The following MRE11 variants were observed in gnomAD, a reference collection of about 807,000 sequenced individuals.
The protein encoded by MRE11 is MRE11 double strand break repair nuclease.
MRE11 carries 62 observed loss-of-function variants against 91.7 expected under a neutral mutation model. That is an observed-to-expected ratio of 0.68 (90% confidence interval 0.55 to 0.84). The LOEUF (loss-of-function observed/expected upper bound fraction) is 0.84. Among genes scored for constraint, MRE11 ranks in the 40% least tolerant of loss-of-function variants. The pLI is 0.00. For missense variants in MRE11, 796 were observed against 852.9 expected, an observed-to-expected ratio of 0.93 and a Z score of 0.83; for synonymous variants, 273 against 271.4, an observed-to-expected ratio of 1.01 and a Z score of -0.06.
chr11:94,426,556 T>C (rs931928216), intron 19 of MRE11, among the ~76,000 whole-genome samples: 5 of 151,712 alleles, frequency 3.3e-5, no homozygotes, highest in African/African-American at 1.2e-4. Context: ...AAGAAATAAA[T>C]TAGAGAAGAA....
chr11:94,496,117 T>C (rs189531773), upstream of MRE11, among the ~76,000 whole-genome samples: 6 of 151,532 alleles, frequency 4.0e-5, no homozygotes, highest in African/African-American at 1.5e-4. Flanking sequence ...GATAAAGATA[T>C]ATGTACCGAT....
chr11:94,512,347 C>A, the MRE11 span: 3 of 463,704 alleles, frequency 6.5e-6, no homozygotes, highest in African/African-American at 2.0e-5. Flanking sequence ...ATAATAATAA[C>A]CCCAGCCCCA....
intron 14 of MRE11, among the ~76,000 whole-genome samples, chr11:94,451,360 A>C (rs1449559147): frequency 6.6e-6 from 1 of 152,140 alleles, no homozygotes; most frequent in African/African-American, 2.4e-5. Context: ...AAATACTCCC[A>C]AAAAAGGACC....
intron 7 of MRE11, chr11:94,475,458 AG>A (rs2135066176): frequency 5.4e-6 from 2 of 373,038 alleles, no homozygotes; most frequent in South Asian, 4.1e-5. Flanking sequence ...TTATATAATC[AG>A]GCCCCAAATC....
At chr11:94,435,240 G>A (rs1208087395) in intron 18 of MRE11, among the ~76,000 whole-genome samples, 2 of 152,160 alleles carry the variant, frequency 1.3e-5, no homozygotes, top group Non-Finnish European at 2.9e-5. Flanking sequence ...GTTATTTGGA[G>A]AGAACACAGT....
Position 94,445,910 on chromosome 11 carries a change from C to T in MRE11, c.1784-17G>A, listed in dbSNP as rs750352771. On this transcript the variant is annotated splice_polypyrimidine_tract_variant and intron_variant, in intron 15 of 19. Transcript: ENST00000323929. Reference sequence around the variant, plus strand: ...CAGTGTCTGCTGTTAGAAAAATGAACAGTCAATGTACAAGCCTATCAGCAG... The same window carrying T: ...CAGTGTCTGCTGTTAGAAAAATGAATAGTCAATGTACAAGCCTATCAGCAG... 5 of 1,584,636 alleles carry T rather than the reference C, an allele frequency of 3.2e-6. 1 individual carries two copies. In the Middle Eastern group the frequency reaches 5.0e-4, roughly 158 times the overall value.
At chr11:94,492,250 G>C (rs1039134656) in intron 2 of MRE11, among the ~76,000 whole-genome samples, 18 of 152,188 alleles carry the variant, frequency 1.2e-4, no homozygotes, top group Non-Finnish European at 1.6e-4. Flanking sequence ...CACCACGCCT[G>C]GCTAATTTTG....
At chr11:94,431,875 T>G (rs1237245734) in intron 18 of MRE11, among the ~76,000 whole-genome samples, 2 of 152,172 alleles carry the variant, frequency 1.3e-5, no homozygotes, top group Non-Finnish European at 2.9e-5. Flanking sequence ...GTAAACAATC[T>G]ACTGTGATAT....
intron 11 of MRE11, among the ~76,000 whole-genome samples, chr11:94,461,892 G>A (rs992854846): frequency 5.9e-5 from 9 of 152,046 alleles, no homozygotes; most frequent in Non-Finnish European, 8.8e-5. Context: ...TGGATAATAC[G>A]GTGAAACCCC....
chr11:94,504,182 G>T, the MRE11 span, among the ~76,000 whole-genome samples: 1 of 152,194 alleles, frequency 6.6e-6, no homozygotes, highest in African/African-American at 2.4e-5. Context: ...GATTTTGCAG[G>T]TGTACACAAC....
chr11:94,508,275 A>T, the MRE11 span, among the ~76,000 whole-genome samples: 6 of 152,088 alleles, frequency 3.9e-5, no homozygotes, highest in African/African-American at 1.4e-4. Context: ...AACGACCTCT[A>T]CTATATCTAT....
chr11:94,466,801 C>T (rs931887413), intron 10 of MRE11, among the ~76,000 whole-genome samples: 1 of 152,124 alleles, frequency 6.6e-6, no homozygotes, highest in South Asian at 2.1e-4. Flanking sequence ...TTAACAATTT[C>T]CCAGGCAACA....
intron 19 of MRE11, 50 bp downstream of exon 19, chr11:94,429,861 A>G (rs1295771609): frequency 2.0e-6 from 3 of 1,488,904 alleles, no homozygotes; most frequent in Non-Finnish European, 2.7e-6. Context: ...CTCTATTTAA[A>G]TTTTATAAAG....
chr11:94,480,711 A>G (rs1946990433), intron 4 of MRE11, among the ~76,000 whole-genome samples: 1 of 152,238 alleles, frequency 6.6e-6, no homozygotes, highest in Admixed American at 6.5e-5. Flanking sequence ...CAAGAGGGAC[A>G]GTTTTCCCCT....
chr11:94,454,876 T>C (rs1946206953), intron 14 of MRE11, among the ~76,000 whole-genome samples: 1 of 152,218 alleles, frequency 6.6e-6, no homozygotes, highest in Non-Finnish European at 1.5e-5. Flanking sequence ...GAATCAGGAA[T>C]CATTTCTTCC....
intron 3 of MRE11, among the ~76,000 whole-genome samples, chr11:94,487,248 A>G (rs1382525477): frequency 6.6e-6 from 1 of 152,196 alleles, no homozygotes; most frequent in Admixed American, 6.5e-5. Context: ...AACAAGGGAA[A>G]TTTTATGTTA....
intron 7 of MRE11, among the ~76,000 whole-genome samples, chr11:94,472,587 T>A (rs1946746001): frequency 6.6e-6 from 1 of 152,128 alleles, no homozygotes; most frequent in Non-Finnish European, 1.5e-5. Flanking sequence ...GAGTCCCTAA[T>A]CTGAAAATCC....
At chr11:94,443,097 T>C (rs1945830119) in intron 16 of MRE11, among the ~76,000 whole-genome samples, 1 of 152,250 alleles carries the variant, frequency 6.6e-6, no homozygotes, top group South Asian at 2.1e-4. Context: ...TTTTCTTCAA[T>C]GTCAGCTGTC....
At position 94,490,837 on chromosome 11, in the gene MRE11, T is replaced by G. The variant is rs746023147; in HGVS notation, c.149A>C (p.Asn50Thr). 6.2e-7 allele frequency: 1 copy of G among 1,613,522 alleles called. No homozygotes were observed. The highest frequency in any genetic ancestry group is 2.2e-5 in the East Asian group (1 of 44,802). Reference sequence around the variant, plus strand: ...ACAAATACAAACCACACTCACTTCATTTTCCTGGGCAAGTCTTAAAATTTC... The same window carrying G: ...ACAAATACAAACCACACTCACTTCAGTTTCCTGGGCAAGTCTTAAAATTTC... Reference protein sequence around the residue: ...LDEILRLAQENEVDFILLGGD... With the variant: ...LDEILRLAQETEVDFILLGGD... Residue 50 changes from asparagine (N) to threonine (T), a missense_variant, in exon 3 of 20, where the codon AAT becomes ACT. Physicochemically the swap from Asn to Thr is moderately conservative, Grantham distance 65 (BLOSUM62 0). Coordinates refer to ENST00000323929, the MANE Select transcript of MRE11 (RefSeq NM_005591.4).
Sources: allele counts gnomAD v4.1 joint callset (sites outside exome capture counted in the v4.1 genomes callset), GRCh38; gene constraint gnomAD v4.1.1; transcripts MANE v1.5; gene names NCBI Gene and HGNC (gene_info 2026-07-23, HGNC 2026-07-21).